DPP10: variants seen among roughly 807,000 people sequenced by gnomAD.
The protein encoded by DPP10 is dipeptidyl peptidase like 10.
Under a neutral mutation model 120.9 loss-of-function variants are expected in DPP10, and 33 were observed. The ratio of observed to expected loss-of-function variants is 0.27; its 90% confidence interval spans 0.21 to 0.37. The LOEUF (loss-of-function observed/expected upper bound fraction) is 0.37, where lower values mean the gene tolerates loss of function less well. DPP10 is among the 10% of genes least tolerant of loss of function. DPP10 has a pLI of 1.00. For synonymous variants in DPP10, 337 were observed against 326.1 expected (o/e 1.03, Z -0.36); for missense variants, 816 against 942.8 (o/e 0.87, Z 1.76).
chr2:115,208,678 A>C (rs1033294492), intron 1 of DPP10, among the ~76,000 whole-genome samples: 1 of 151,852 alleles, frequency 6.6e-6, no homozygotes, highest in Non-Finnish European at 1.5e-5. Context: ...TATGTGGAAA[A>C]CTCTATCCTT....
At chr2:114,649,710 T>A (rs1159338881) in intron 1 of DPP10, among the ~76,000 whole-genome samples, 1 of 152,224 alleles carries the variant, frequency 6.6e-6, no homozygotes, top group African/African-American at 2.4e-5. Flanking sequence ...GATTTTAAAC[T>A]GTCTAGAATT....
intron 1 of DPP10, among the ~76,000 whole-genome samples, chr2:115,232,336 G>A (rs935671401): frequency 6.6e-6 from 1 of 151,774 alleles, no homozygotes; most frequent in Non-Finnish European, 1.5e-5. Flanking sequence ...AAAAAAAAAA[G>A]GTTTTTAGGT....
At chr2:115,392,691 T>C (rs1472862967) in intron 3 of DPP10, among the ~76,000 whole-genome samples, 1 of 152,146 alleles carries the variant, frequency 6.6e-6, no homozygotes, top group Non-Finnish European at 1.5e-5. Flanking sequence ...TTTAATATAG[T>C]TTGTATTTTA....
chr2:114,890,994 A>G (rs568978624), intron 1 of DPP10, among the ~76,000 whole-genome samples: 1 of 152,326 alleles, frequency 6.6e-6, no homozygotes, highest in South Asian at 2.1e-4. Context: ...TTTATCTGCT[A>G]CTGGTTTTCA....
intron 1 of DPP10, among the ~76,000 whole-genome samples, chr2:114,940,894 A>C (rs1000432694): frequency 2.0e-5 from 3 of 152,160 alleles, no homozygotes; most frequent in African/African-American, 7.2e-5. Flanking sequence ...TTTTTCTTGA[A>C]TATATCTCCT....
rs944602918 is a variant in DPP10, at chr2:114,832,366, T to A, written c.60+389528T>A. Among the ~76,000 whole-genome samples the A allele has an allele frequency of 5.3e-5, 8 of 152,248 alleles. No homozygotes were observed. In the South Asian group the frequency reaches 1.7e-3, roughly 32 times the overall value. ...GGCTAACACGGTGAAACACCGCCTCTACTAAAAACTACAAAAAAATTAGCC... is the reference window on the plus strand; with the variant it reads ...GGCTAACACGGTGAAACACCGCCTCAACTAAAAACTACAAAAAAATTAGCC... On this transcript the variant is annotated intron_variant, in intron 1 of 25. Coordinates refer to ENST00000410059, the MANE Select transcript of DPP10 (RefSeq NM_020868.6).
intron 2 of DPP10, among the ~76,000 whole-genome samples, chr2:115,331,686 G>A (rs573711823): frequency 6.6e-6 from 1 of 152,210 alleles, no homozygotes; most frequent in East Asian, 1.9e-4. Context: ...ATAATCATAT[G>A]GTTTTTGTCT....
At chr2:115,145,355 C>T (rs2051164515) in intron 1 of DPP10, among the ~76,000 whole-genome samples, 1 of 152,104 alleles carries the variant, frequency 6.6e-6, no homozygotes, top group Non-Finnish European at 1.5e-5. Flanking sequence ...CTACTGTCTC[C>T]ATAGTTTTGT....
intron 1 of DPP10, among the ~76,000 whole-genome samples, chr2:115,115,944 G>T (rs2049483221): frequency 6.6e-6 from 1 of 152,100 alleles, no homozygotes; most frequent in African/African-American, 2.4e-5. Flanking sequence ...CAGAAGGAAA[G>T]TGGTGTGAGG....
At chr2:115,069,329 T>G (rs976876757) in intron 1 of DPP10, among the ~76,000 whole-genome samples, 1 of 152,112 alleles carries the variant, frequency 6.6e-6, no homozygotes, top group Non-Finnish European at 1.5e-5. Context: ...ATTTTCTTTT[T>G]TGGGTGTTTC....
chr2:115,679,562 A>G (rs2090507962), intron 5 of DPP10, among the ~76,000 whole-genome samples: 1 of 152,214 alleles, frequency 6.6e-6, no homozygotes, highest in Non-Finnish European at 1.5e-5. Flanking sequence ...TCTTCATAGA[A>G]GTGTGAGAAT....
intron 1 of DPP10, among the ~76,000 whole-genome samples, chr2:114,842,989 C>T (rs76594701): frequency 1.3e-5 from 2 of 151,898 alleles, no homozygotes; most frequent in African/African-American, 2.4e-5. Context: ...GTGACGTGCT[C>T]AGTAAAAGGG....
intron 1 of DPP10, among the ~76,000 whole-genome samples, chr2:115,165,677 A>C (rs907365117): frequency 4.6e-5 from 7 of 152,168 alleles, no homozygotes; most frequent in Non-Finnish European, 8.8e-5. Flanking sequence ...TTTAATGGTC[A>C]ATCAGACAAG....
At chr2:114,849,172 C>T (rs1291453262) in intron 1 of DPP10, among the ~76,000 whole-genome samples, 2 of 152,148 alleles carry the variant, frequency 1.3e-5, no homozygotes, top group African/African-American at 2.4e-5. Flanking sequence ...TGACTCTTCA[C>T]ATACACATTT....
chr2:114,893,722 C>T (rs1354465192), intron 1 of DPP10, among the ~76,000 whole-genome samples: 1 of 152,192 alleles, frequency 6.6e-6, no homozygotes, highest in African/African-American at 2.4e-5. Context: ...AAAATAATCA[C>T]ACTTCTAAGG....
intron 3 of DPP10, among the ~76,000 whole-genome samples, chr2:115,380,608 G>T (rs2066245662): frequency 6.6e-6 from 1 of 151,492 alleles, no homozygotes; most frequent in Admixed American, 6.6e-5. Context: ...ATGTTAGCTG[G>T]TTATTTTGCT....
intron 5 of DPP10, among the ~76,000 whole-genome samples, chr2:115,652,409 A>G (rs564659316): frequency 3.2e-3 from 465 of 145,560 alleles, no homozygotes; most frequent in Admixed American, 4.8e-3. Context: ...TAGGATATAT[A>G]TGTGTGTGTG....
At chr2:114,993,005 A>G (rs1700837950) in intron 1 of DPP10, among the ~76,000 whole-genome samples, 1 of 152,148 alleles carries the variant, frequency 6.6e-6, no homozygotes, top group South Asian at 2.1e-4. Flanking sequence ...GCACTCAGCT[A>G]GCGGTAGTTG....
At chr2:114,803,134 T>A (rs1212768349) in intron 1 of DPP10, among the ~76,000 whole-genome samples, 2 of 152,162 alleles carry the variant, frequency 1.3e-5, no homozygotes, top group Non-Finnish European at 2.9e-5. Flanking sequence ...GTCTCAGAGA[T>A]CCGATGGATT....
Sources: gnomAD v4.1 joint callset for allele counts (sites outside exome capture counted in the v4.1 genomes callset) on GRCh38, gnomAD v4.1.1 for gene constraint, MANE v1.5 for transcripts, NCBI Gene and HGNC (gene_info 2026-07-23, HGNC 2026-07-21) for gene names.